The following ABI3BP variants were observed in gnomAD, a reference collection of about 807,000 sequenced individuals.
ABI3BP encodes target of Nesh-SH3.
A neutral mutation model predicts 268.6 loss-of-function variants in ABI3BP; 216 were observed. The observed-to-expected ratio is 0.80, with a 90% confidence interval of 0.72 to 0.90. The LOEUF (loss-of-function observed/expected upper bound fraction) is 0.90, where lower values mean the gene tolerates loss of function less well. Among genes scored for constraint, ABI3BP ranks in the 40% least tolerant of loss-of-function variants. The probability of loss-of-function intolerance (pLI) is 0.00; values close to 1 mark genes in which losing one functional copy is unlikely to be tolerated. For synonymous variants in ABI3BP, 730 were observed against 730.0 expected (o/e 1.00, Z 0.00); for missense variants, 2,090 against 2,182.4 (o/e 0.96, Z 0.84).
chr3:100,921,140 G>C (rs899374616), intron 2 of ABI3BP, among the ~76,000 whole-genome samples: 2 of 152,360 alleles, frequency 1.3e-5, no homozygotes, highest in East Asian at 3.9e-4. Context: ...AGGGTTAGCA[G>C]CTGTGAGAAC....
intron 51 of ABI3BP, among the ~76,000 whole-genome samples, chr3:100,797,275 C>T (rs973711594): frequency 2.0e-5 from 3 of 151,782 alleles, no homozygotes; most frequent in Non-Finnish European, 2.9e-5. Flanking sequence ...AACTTGGTAC[C>T]GTATTTCTCA....
chr3:100,951,578 A>G (rs1220392048), intron 1 of ABI3BP, among the ~76,000 whole-genome samples: 1 of 151,868 alleles, frequency 6.6e-6, no homozygotes, highest in Non-Finnish European at 1.5e-5. Flanking sequence ...TCAGGCTCCA[A>G]CCATCATTAT....
intron 67 of ABI3BP, among the ~76,000 whole-genome samples, chr3:100,751,032 G>T (rs1364970739): frequency 6.6e-6 from 1 of 152,124 alleles, no homozygotes; most frequent in Non-Finnish European, 1.5e-5. Flanking sequence ...CTTCTGCACT[G>T]CTTAGACAAG....
chr3:100,967,651 C>G (rs1363124489), intron 1 of ABI3BP, among the ~76,000 whole-genome samples: 6 of 152,042 alleles, frequency 3.9e-5, no homozygotes, highest in Non-Finnish European at 8.8e-5. Context: ...TGGTGATTTG[C>G]TCATGCCTCT....
At chr3:100,792,334 G>A (rs2097218671) in intron 55 of ABI3BP, among the ~76,000 whole-genome samples, 1 of 151,672 alleles carries the variant, frequency 6.6e-6, no homozygotes, top group South Asian at 2.1e-4. Flanking sequence ...GGACCAGGAG[G>A]AAGTTAGAGA....
chr3:100,808,253 G>A lies in ABI3BP; in HGVS notation c.3608-18C>T. The A allele has an allele frequency of 6.3e-7, 1 of 1,590,146 alleles. No homozygotes were observed. The highest frequency in any genetic ancestry group is 8.6e-7 in the Non-Finnish European group (1 of 1,168,196). On this transcript the variant is annotated intron_variant, in intron 49 of 67. Transcript: ENST00000471714. The stretch of plus-strand genomic sequence containing the variant: ...CTTGGGAGCTAAAAGAAAGGATATA[G>A]GTTCGGAAATCTTGAGCCCTTCAAG...
At chr3:100,794,633 G>A (rs2097291496) in intron 54 of ABI3BP, among the ~76,000 whole-genome samples, 1 of 151,636 alleles carries the variant, frequency 6.6e-6, no homozygotes, top group African/African-American at 2.4e-5. Flanking sequence ...CATTGATTTA[G>A]GAACATTTTT....
intron 4 of ABI3BP, among the ~76,000 whole-genome samples, chr3:100,890,255 G>T (rs1398066722): frequency 6.6e-6 from 1 of 151,916 alleles, no homozygotes; most frequent in Non-Finnish European, 1.5e-5. Flanking sequence ...CCACATTTTT[G>T]ACTCTTCATG....
rs781305468 is a variant in ABI3BP at position 100,751,665 on chromosome 3, T to A, written c.5132A>T (p.Tyr1711Phe). The A allele has an allele frequency of 1.7e-5, 27 of 1,592,856 alleles. No homozygotes were observed. Among genetic ancestry groups the A allele is most frequent in the Non-Finnish European group, 2.2e-5 (26 of 1,170,576 alleles). Residue 1711 changes from tyrosine to phenylalanine, a missense_variant, in exon 67 of 68, where the codon TAT becomes TTT. Tyr to Phe is a conservative substitution (Grantham distance 22, BLOSUM62 3). Transcript: ENST00000471714. Reference sequence around the variant, plus strand: ...ATGGCCCCTCTGATCACCTATGTTATAAAATTTTCCTGAAGAACCAGAAAT... The same window carrying A: ...ATGGCCCCTCTGATCACCTATGTTAAAAAATTTTCCTGAAGAACCAGAAAT... ...YLSDSLTGKF[Y>F]NIGDQRGHGE...
intron 31 of ABI3BP, 26 bp downstream of exon 31, chr3:100,832,238 C>T (rs1425279947): frequency 1.3e-6 from 2 of 1,531,474 alleles, no homozygotes; most frequent in Admixed American, 3.9e-5. Context: ...TGCTTGGATT[C>T]TACAAAACAG....
rs2095221675 is a variant in ABI3BP, at chr3:100,749,745, T to C, written c.*750A>G. On this transcript the variant is annotated 3_prime_UTR_variant, in exon 68 of 68. Transcript: ENST00000471714. Reference sequence around the variant, plus strand: ...AATCATAAAAACAATATGAAGACGATTGCATAAAGGGATAGTTTGACAAAG... The same window carrying C: ...AATCATAAAAACAATATGAAGACGACTGCATAAAGGGATAGTTTGACAAAG... 5.0e-6 allele frequency: 2 copies of C among 398,398 alleles called. No homozygotes were observed. The highest frequency in any genetic ancestry group is 1.3e-4 in the South Asian group (1 of 7,858). 24.7% of individuals were successfully genotyped at this position (398,398 alleles called of 1,614,324 possible).
intron 2 of ABI3BP, among the ~76,000 whole-genome samples, chr3:100,919,101 G>C (rs1331374196): frequency 6.6e-6 from 1 of 152,022 alleles, no homozygotes; most frequent in Non-Finnish European, 1.5e-5. Context: ...AGGAAGAGAG[G>C]GCTCAGCTGG....
chr3:100,771,482 T>C (rs956265029), intron 61 of ABI3BP, among the ~76,000 whole-genome samples: 2 of 152,036 alleles, frequency 1.3e-5, no homozygotes, highest in African/African-American at 4.8e-5. Flanking sequence ...TTGAAACCAA[T>C]GTAGATCTCA....
chr3:100,878,398 T>G (rs2099186296), intron 6 of ABI3BP, among the ~76,000 whole-genome samples: 1 of 152,212 alleles, frequency 6.6e-6, no homozygotes. Flanking sequence ...AAATTTCTGG[T>G]AAGGGCAAAT....
intron 14 of ABI3BP, among the ~76,000 whole-genome samples, chr3:100,854,559 G>A (rs554670619): frequency 6.6e-6 from 1 of 152,206 alleles, no homozygotes; most frequent in Admixed American, 6.5e-5. Context: ...GTAGCCAAGA[G>A]TTAAGGGTGA....
intron 54 of ABI3BP, 47 bp downstream of exon 54, chr3:100,794,876 T>A: frequency 7.1e-7 from 1 of 1,401,836 alleles, no homozygotes; most frequent in African/African-American, 1.4e-5. Context: ...TAAGGGAAAT[T>A]CCTAAAAGGC....
At chr3:100,816,146 C>G (rs1297205009) in intron 43 of ABI3BP, 175 bp from the exon 44 acceptor site, 4 of 541,088 alleles carry the variant, frequency 7.4e-6, no homozygotes, top group Non-Finnish European at 9.7e-6. Context: ...TAGAACAATT[C>G]ATCAAAGAAG....
At chr3:100,927,048 A>T (rs1409403211) in intron 1 of ABI3BP, among the ~76,000 whole-genome samples, 1 of 152,164 alleles carries the variant, frequency 6.6e-6, no homozygotes, top group African/African-American at 2.4e-5. Context: ...ACATCTGGAA[A>T]TACATGGAGA....
chr3:100,881,192 T>C (rs1257679219), intron 6 of ABI3BP, among the ~76,000 whole-genome samples: 2 of 152,250 alleles, frequency 1.3e-5, no homozygotes, highest in African/African-American at 2.4e-5. Flanking sequence ...ATTTTTCAAG[T>C]GTCTGCTTGA....
Sources: allele counts gnomAD v4.1 joint callset (sites outside exome capture counted in the v4.1 genomes callset), GRCh38; gene constraint gnomAD v4.1.1; transcripts MANE v1.5; gene names NCBI Gene and HGNC (gene_info 2026-07-23, HGNC 2026-07-21).